POP5: variants seen among roughly 807,000 people sequenced by gnomAD.
POP5 encodes ribonuclease P/MRP protein subunit POP5.
A neutral mutation model predicts 20.7 loss-of-function variants in POP5; 18 were observed. That is an observed-to-expected ratio of 0.87 (90% confidence interval 0.60 to 1.29). The LOEUF (loss-of-function observed/expected upper bound fraction) is 1.29. Ranked by LOEUF, POP5 falls within the 50% of genes most tolerant of loss-of-function variation. The pLI, the probability that POP5 is intolerant of heterozygous loss-of-function variation, is 0.00. For synonymous variants in POP5, 91 were observed against 78.0 expected (o/e 1.17, Z -0.88); for missense variants, 200 against 203.2 (o/e 0.98, Z 0.10).
intron 3 of POP5, 87 bp from the exon 4 acceptor site, chr12:120,579,684 G>A (rs536225136): frequency 6.5e-6 from 10 of 1,548,052 alleles, no homozygotes; most frequent in Admixed American, 3.4e-5. Context: ...TCTTGTTAGC[G>A]GGACAGCAGC....
rs774120080 is a variant in POP5, at chr12:120,581,076, A to G, written c.163+39T>C. The G allele has an allele frequency of 3.1e-6, 5 of 1,598,696 alleles. No homozygotes were observed. The East Asian group carries it at 1.1e-4, about 36-fold the overall frequency. ...GCGCCTGCCCCCTCCACATCCCGCC[A>G]TCCTCCCGGGTTCCCCTCTTCCCCC... On this transcript the variant is annotated intron_variant, in intron 2 of 4. Transcript: ENST00000357500.
At chr12:120,579,972 T>C in intron 2 of POP5, 49 bp from the exon 3 acceptor site, 2 of 1,564,748 alleles carry the variant, frequency 1.3e-6, no homozygotes, top group South Asian at 2.3e-5. Flanking sequence ...CTCTGTGTGG[T>C]GGCTCACGCC....
In POP5 at chr12:120,579,897, T is replaced by C; in HGVS notation, c.190A>G (p.Ile64Val). Residue 64 changes from isoleucine (I) to valine (V), a missense_variant, in exon 3 of 5, where the codon ATA becomes GTA. Transcript: ENST00000357500. ...TCTTTTCTGCATCGAAGTAGCACTA[T>C]TCCAGTATAGGCATTGAGATATCGA... ...AVRYLNAYTG[I>V]VLLRCRKEFY... 1 of 1,613,682 alleles carries C rather than the reference T, an allele frequency of 6.2e-7. No homozygotes were observed. Among genetic ancestry groups the C allele is most frequent in the Non-Finnish European group, 8.5e-7 (1 of 1,179,614 alleles).
chr12:120,581,070 C>G (rs1877838123), intron 2 of POP5, 45 bp downstream of exon 2: 4 of 1,595,696 alleles, frequency 2.5e-6, no homozygotes, highest in Non-Finnish European at 3.4e-6. Flanking sequence ...CCCTCCACAT[C>G]CCGCCATCCT....
intron 2 of POP5, among the ~76,000 whole-genome samples, chr12:120,580,323 G>A (rs569920917): frequency 2.0e-5 from 3 of 152,292 alleles, no homozygotes; most frequent in South Asian, 2.1e-4. Context: ...ATCTATCAGC[G>A]AGTAAAAGAG....
chr12:120,579,398 T>C lies in POP5; in HGVS notation c.412A>G (p.Ile138Val). ...NCTDEGEREA[I>V]QKSVTRSCLL... ...CAGCTTCTTGTCACAGACTTCTGGA[T>C]AGCTTCCCGCTCTCCTGGAGAAGGC... Residue 138 changes from isoleucine to valine, a missense_variant, in exon 5 of 5, where the codon ATC (isoleucine) becomes GTC (valine). Ile to Val is a conservative substitution (Grantham distance 29). Transcript: ENST00000357500. 1 of 1,614,002 alleles carries C rather than the reference T, an allele frequency of 6.2e-7. No homozygotes were observed. Among genetic ancestry groups the C allele is most frequent in the Non-Finnish European group, 8.5e-7 (1 of 1,179,836 alleles).
At chr12:120,580,073 C>G in intron 2 of POP5, 150 bp from the exon 3 acceptor site, 1 of 666,466 alleles carries the variant, frequency 1.5e-6, no homozygotes, top group Non-Finnish European at 2.5e-6. Context: ...GAAACCCCGT[C>G]TCTACTAAAA....
At chr12:120,581,010 T>G in intron 2 of POP5, 105 bp downstream of exon 2, 1 of 1,490,256 alleles carries the variant, frequency 6.7e-7, no homozygotes, top group Non-Finnish European at 9.0e-7. Context: ...CAAAAAACGG[T>G]GCACGGGCTT....
chr12:120,579,948 T>A (rs762080468), intron 2 of POP5, 25 bp from the exon 3 acceptor site: 1 of 1,607,770 alleles, frequency 6.2e-7, no homozygotes, highest in Non-Finnish European at 8.5e-7. Context: ...AAAAATCATT[T>A]TGGAAAACTT....
chr12:120,581,258 C>G lies in POP5; in HGVS notation c.21-1G>C. Reference sequence around the variant, plus strand: ...AGACACCAGTTCGCAGAGCAGGTACCTGCGGCAGGCGAGAGGAAGGTGGAC... The same window carrying G: ...AGACACCAGTTCGCAGAGCAGGTACGTGCGGCAGGCGAGAGGAAGGTGGAC... On this transcript the variant is annotated splice_acceptor_variant, in intron 1 of 4. Coordinates refer to ENST00000357500, the MANE Select transcript of POP5 (RefSeq NM_015918.4). LOFTEE classifies it high-confidence loss of function. 6.2e-7 allele frequency: 1 copy of G among 1,614,222 alleles called. No individual in the cohort carries two copies. Among genetic ancestry groups the G allele is most frequent in the Non-Finnish European group, 8.5e-7 (1 of 1,180,052 alleles).
At position 120,579,213 on chromosome 12, in the gene POP5, C is replaced by G; in HGVS notation, c.*105G>C. On this transcript the variant is annotated 3_prime_UTR_variant, in exon 5 of 5. Transcript: ENST00000357500. ...GTAATGTCTGCTGGTTGGCAGCTAT[C>G]CAGTTTGGAAAACTGTGGAAGATGC... 3 of 1,020,948 alleles carry G rather than the reference C, an allele frequency of 2.9e-6. No individual in the cohort carries two copies. Among genetic ancestry groups the G allele is most frequent in the Non-Finnish European group, 4.6e-6 (3 of 650,192 alleles). 63.2% of individuals were successfully genotyped at this position (1,020,948 alleles called of 1,614,324 possible).
chr12:120,579,550 GTC>G lies in POP5; in HGVS notation c.359_360del (p.Arg120ThrfsTer11). On this transcript the variant is annotated frameshift_variant, in exon 4 of 5. Coordinates refer to ENST00000357500, the MANE Select transcript of POP5 (RefSeq NM_015918.4). LOFTEE classifies it high-confidence loss of function. Reference protein sequence around the residue: ...CQKFLIQYNRRQLLILLQNCT... With the variant: ...CQKFLIQYNRXQLLILLQNCT... ...CAGTTCTGCAACAAGATCAACAGCT[GTC>G]TCCTGTTGTACTGAATTAGGAACTT... is the stretch of plus-strand genomic sequence containing the variant. The G allele has an allele frequency of 6.2e-7, 1 of 1,614,144 alleles. No individual in the cohort carries two copies. Among genetic ancestry groups the G allele is most frequent in the Non-Finnish European group, 8.5e-7 (1 of 1,179,966 alleles).
At chr12:120,580,230 C>A in intron 2 of POP5, 1 of 270,168 alleles carries the variant, frequency 3.7e-6, no homozygotes. Context: ...GGGCAACAGC[C>A]AGACTGTCTC....
chr12:120,579,786 A>C lies in POP5; in HGVS notation c.301T>G (p.Leu101Val). The change falls in exon 3 of 5, where the codon TTA becomes GTA. Residue 101 changes from leucine (L) to valine (V), a missense_variant. Transcript: ENST00000357500. ...GHRYPCFFNT[L>V]HVGGTIRTCQ... is the part of the protein sequence containing the mutation. ...ACCTCACTCCTACCTCCCACATGTAATGTGTTGAAAAAGCATGGGTAACGG... is the reference window on the plus strand; with the variant it reads ...ACCTCACTCCTACCTCCCACATGTACTGTGTTGAAAAAGCATGGGTAACGG... 1 of 1,607,362 alleles carries C rather than the reference A, an allele frequency of 6.2e-7. No homozygotes were observed. Among genetic ancestry groups the C allele is most frequent in the Non-Finnish European group, 8.5e-7 (1 of 1,173,810 alleles).
In POP5 at chr12:120,579,539, G is replaced by C. The variant is rs1384051152; in HGVS notation, c.372C>G (p.Ile124Met). The change falls in exon 4 of 5, where the codon ATC (isoleucine) becomes ATG (methionine). Residue 124 changes from isoleucine to methionine, a missense_variant. Ile to Met is a conservative substitution (Grantham distance 10). Coordinates refer to ENST00000357500, the MANE Select transcript of POP5 (RefSeq NM_015918.4). ...CTTCATCAGTGCAGTTCTGCAACAAGATCAACAGCTGTCTCCTGTTGTACT... is the reference window on the plus strand; with the variant it reads ...CTTCATCAGTGCAGTTCTGCAACAACATCAACAGCTGTCTCCTGTTGTACT... Reference protein sequence around the residue: ...LIQYNRRQLLILLQNCTDEGE... With the variant: ...LIQYNRRQLLMLLQNCTDEGE... The C allele has an allele frequency of 6.2e-7, 1 of 1,613,996 alleles. No homozygotes were observed. The highest frequency in any genetic ancestry group is 2.2e-5 in the East Asian group (1 of 44,904).
chr12:120,580,711 A>G (rs1877818047), intron 2 of POP5: 1 of 221,038 alleles, frequency 4.5e-6, no homozygotes, highest in Admixed American at 5.2e-5. Flanking sequence ...TGTGTTCTGT[A>G]CTTTACCAAC....
chr12:120,581,322 G>C, intron 1 of POP5, 21 bp downstream of exon 1: 1 of 1,614,126 alleles, frequency 6.2e-7, no homozygotes, highest in Non-Finnish European at 8.5e-7. Context: ...GCACTGGGAG[G>C]GTCTGGAAGG....
chr12:120,580,855 TCA>T (rs1161874692), intron 2 of POP5: 2 of 538,236 alleles, frequency 3.7e-6, no homozygotes, highest in East Asian at 3.2e-5. Context: ...TCAAATTCAA[TCA>T]CAACCAATTA....
In POP5 at chr12:120,579,087, A is replaced by G; in HGVS notation, c.*231T>C. On this transcript the variant is annotated 3_prime_UTR_variant, in exon 5 of 5. Coordinates refer to ENST00000357500, the MANE Select transcript of POP5 (RefSeq NM_015918.4). The stretch of plus-strand genomic sequence containing the variant: ...ACATTTATTAAATCTACTCTTAGCC[A>G]AGCAATAAAGATGTCTACAGAGTTC... The G allele has an allele frequency of 1.7e-6, 1 of 573,622 alleles. No homozygotes were observed. The highest frequency in any genetic ancestry group is 3.0e-5 in the Admixed American group (1 of 32,898). 35.5% of individuals were successfully genotyped at this position (573,622 alleles called of 1,614,324 possible). A position where few individuals can be genotyped will look rare whatever the true frequency, so the allele number is the denominator to read the frequency against.
Sources: allele counts gnomAD v4.1 joint callset (sites outside exome capture counted in the v4.1 genomes callset), GRCh38; gene constraint gnomAD v4.1.1; transcripts MANE v1.5; gene names NCBI Gene and HGNC (gene_info 2026-07-23, HGNC 2026-07-21).